The following COBL variants were observed in gnomAD, a reference collection of about 807,000 sequenced individuals.
The protein encoded by COBL is protein cordon-bleu.
COBL carries 51 observed loss-of-function variants against 98.8 expected under a neutral mutation model. The ratio of observed to expected loss-of-function variants is 0.52; its 90% CI spans 0.41 to 0.65. COBL has a LOEUF of 0.65. COBL is among the 30% of genes least tolerant of loss of function. The pLI is 0.00. For missense variants in COBL, 1,617 were observed against 1,617.5 expected (o/e 1.00, Z 0.01); for synonymous variants, 634 against 651.7 (o/e 0.97, Z 0.41).
rs888992451 is a variant in COBL at position 51,219,867 on chromosome 7, G to T, written c.119C>A (p.Pro40His). 2 of 1,613,466 alleles carry T rather than the reference G, an allele frequency of 1.2e-6. No homozygotes were observed. Among genetic ancestry groups the T allele is most frequent in the Non-Finnish European group, 1.7e-6 (2 of 1,180,014 alleles). ...CTGCGACCCGAGGGCCCCATCGTGGGGGGGCTTCTGGTCACTGTGCACATG... is the reference window on the plus strand; with the variant it reads ...CTGCGACCCGAGGGCCCCATCGTGGTGGGGCTTCTGGTCACTGTGCACATG... ...TLHVHSDQKP[P>H]HDGALGSQQN... The change falls in exon 2 of 13, where the codon CCC becomes CAC. Residue 40 changes from proline (P) to histidine (H), a missense_variant. Pro to His is a moderately conservative substitution (Grantham distance 77). Around this residue, in one of 3 missense-constraint regions of COBL, gnomAD observed 238 missense variants for 215.0 expected, o/e 1.11. Coordinates refer to ENST00000265136, the MANE Select transcript of COBL (RefSeq NM_015198.5).
chr7:51,091,848 A>G (rs1356161617), intron 6 of COBL, among the ~76,000 whole-genome samples: 1 of 152,208 alleles, frequency 6.6e-6, no homozygotes, highest in Non-Finnish European at 1.5e-5. Context: ...AAAACTTTGC[A>G]AGCCAGAAGA....
chr7:51,258,919 A>T (rs1563097234), intron 1 of COBL, among the ~76,000 whole-genome samples: 1 of 152,288 alleles, frequency 6.6e-6, no homozygotes, highest in East Asian at 1.9e-4. Flanking sequence ...TCAGGCATTC[A>T]TCGCTCCCAG....
At chr7:51,123,576 TAAGAA>T (rs1488200689) in intron 6 of COBL, among the ~76,000 whole-genome samples, 1 of 152,178 alleles carries the variant, frequency 6.6e-6, no homozygotes, top group African/African-American at 2.4e-5. Context: ...CAGACAGTGC[TAAGAA>T]AACACTCCAG....
At chr7:51,139,660 TTA>T (rs1292781617) in intron 5 of COBL, among the ~76,000 whole-genome samples, 2 of 152,238 alleles carry the variant, frequency 1.3e-5, no homozygotes, top group African/African-American at 4.8e-5. Context: ...GCCAAAAACT[TTA>T]TGTTGTCCAG....
intron 7 of COBL, chr7:51,065,297 A>T (rs916733022): frequency 1.4e-6 from 1 of 703,418 alleles, no homozygotes; most frequent in Non-Finnish European, 2.6e-6. Flanking sequence ...GGAAATGGGG[A>T]GGAGGAAGAG....
chr7:51,104,046 G>A (rs1434569837), intron 6 of COBL, among the ~76,000 whole-genome samples: 1 of 152,236 alleles, frequency 6.6e-6, no homozygotes, highest in Middle Eastern at 3.2e-3. Context: ...TCAAGTCTGA[G>A]AATTCAGAAA....
intron 5 of COBL, among the ~76,000 whole-genome samples, chr7:51,171,346 G>A (rs1339303771): frequency 6.6e-6 from 1 of 152,058 alleles, no homozygotes; most frequent in Non-Finnish European, 1.5e-5. Flanking sequence ...TTGAGGACAG[G>A]TCTCTATGTG....
At position 51,230,086 on chromosome 7, in the gene COBL, GA is replaced by G. The variant is rs533339270; in HGVS notation, c.42-10143del. Among the ~76,000 whole-genome samples, 563 of 152,222 alleles carry G rather than the reference GA, an allele frequency of 3.7e-3. 1 individual carries two copies. The highest frequency in any genetic ancestry group is 0.024 in the Middle Eastern group (7 of 294). On this transcript the variant is annotated intron_variant, in intron 1 of 12. Coordinates refer to ENST00000265136, the MANE Select transcript of COBL (RefSeq NM_015198.5). ...TGGTTGACCTCGCTCCCCCAGCAGG[GA>G]AGAGGCATGGCCAGGCCAGCACAGC...
At chr7:51,191,684 A>T (rs911240078) in intron 3 of COBL, among the ~76,000 whole-genome samples, 4 of 152,168 alleles carry the variant, frequency 2.6e-5, no homozygotes, top group Admixed American at 1.3e-4. Context: ...AATATATTTT[A>T]AAAAACACCA....
At chr7:51,253,730 T>C (rs767735884) in intron 1 of COBL, among the ~76,000 whole-genome samples, 4 of 152,198 alleles carry the variant, frequency 2.6e-5, no homozygotes, top group African/African-American at 9.7e-5. Context: ...CCAACTATAA[T>C]TGTACCAGAT....
intron 2 of COBL, among the ~76,000 whole-genome samples, chr7:51,211,085 A>G (rs1792376270): frequency 6.6e-6 from 1 of 152,148 alleles, no homozygotes; most frequent in African/African-American, 2.4e-5. Flanking sequence ...GCATCCCTCC[A>G]CAAGACCTCA....
chr7:51,219,109 A>G (rs944361189), intron 2 of COBL, among the ~76,000 whole-genome samples: 4 of 152,180 alleles, frequency 2.6e-5, no homozygotes, highest in Admixed American at 6.5e-5. Context: ...AGACTTTGCC[A>G]ATGTTTCAGC....
At chr7:51,245,097 G>A (rs1279927918) in intron 1 of COBL, among the ~76,000 whole-genome samples, 9 of 152,010 alleles carry the variant, frequency 5.9e-5, no homozygotes, top group Non-Finnish European at 1.0e-4. Context: ...TCCGAAACCC[G>A]CGCCTTTACA....
chr7:51,312,362 C>T (rs1035515965), intron 1 of COBL, among the ~76,000 whole-genome samples: 2 of 151,980 alleles, frequency 1.3e-5, no homozygotes, highest in African/African-American at 2.4e-5. Flanking sequence ...TACAGGAACT[C>T]TTAGTGTATT....
intron 1 of COBL, among the ~76,000 whole-genome samples, chr7:51,310,725 T>C (rs1288982397): frequency 2.0e-5 from 3 of 151,748 alleles, no homozygotes; most frequent in Non-Finnish European, 2.9e-5. Context: ...AGTGGCACAA[T>C]CTCGGCTCAC....
intron 2 of COBL, among the ~76,000 whole-genome samples, chr7:51,210,664 G>A (rs767827817): frequency 6.6e-5 from 10 of 152,204 alleles, no homozygotes; most frequent in African/African-American, 9.7e-5. Context: ...CTCGTCTTAT[G>A]ATGTTTCCTG....
intron 1 of COBL, among the ~76,000 whole-genome samples, chr7:51,272,963 A>ACAACAACAACAACAACAG (rs1798911683): frequency 6.7e-6 from 1 of 150,176 alleles, no homozygotes; most frequent in African/African-American, 2.4e-5. Flanking sequence ...AACAACAACA[A>ACAACAACAACAACAACAG]CAACAACAAC....
intron 7 of COBL, among the ~76,000 whole-genome samples, chr7:51,082,723 C>T (rs536956797): frequency 5.7e-4 from 87 of 152,314 alleles, no homozygotes; most frequent in African/African-American, 1.8e-3. Context: ...CCAGATCACA[C>T]GACGGCTGTG....
chr7:51,042,472 AT>A (rs1424130121), intron 8 of COBL, among the ~76,000 whole-genome samples: 2 of 151,710 alleles, frequency 1.3e-5, no homozygotes, highest in African/African-American at 2.4e-5. Context: ...CAATCCTCCC[AT>A]CTCAGCCTCC....
Sources: gnomAD v4.1 joint callset for allele counts (sites outside exome capture counted in the v4.1 genomes callset) on GRCh38, gnomAD v4.1.1 for gene constraint, gnomAD v4.1.1 regional missense constraint, MANE v1.5 for transcripts, NCBI Gene and HGNC (gene_info 2026-07-23, HGNC 2026-07-21) for gene names.